FAM227B: variants seen among roughly 807,000 people sequenced by gnomAD.
The protein encoded by FAM227B is protein FAM227B.
Under a neutral mutation model 73.8 loss-of-function variants are expected in FAM227B, and 88 were observed. The observed-to-expected ratio is 1.19, with a 90% CI of 1.00 to 1.42. FAM227B has a LOEUF of 1.42. Among genes scored for constraint, FAM227B ranks in the 40% most tolerant of loss-of-function variants. The pLI is 0.00. For synonymous variants in FAM227B, 210 were observed against 190.5 expected (o/e 1.10, Z -0.84); for missense variants, 632 against 590.9 (o/e 1.07, Z -0.72).
intron 11 of FAM227B, among the ~76,000 whole-genome samples, chr15:49,481,479 T>C (rs2055939897): frequency 6.6e-6 from 1 of 152,234 alleles, no homozygotes; most frequent in Admixed American, 6.5e-5. Context: ...GAATTAAGCC[T>C]AGCATAGAAT....
At chr15:49,426,412 T>A (rs1490572985) in intron 11 of FAM227B, among the ~76,000 whole-genome samples, 1 of 151,970 alleles carries the variant, frequency 6.6e-6, no homozygotes, top group Non-Finnish European at 1.5e-5. Flanking sequence ...GAATTCTACA[T>A]GCTGACTACT....
intron 13 of FAM227B, among the ~76,000 whole-genome samples, chr15:49,367,134 A>G (rs777338192): frequency 6.6e-6 from 1 of 152,192 alleles, no homozygotes; most frequent in Non-Finnish European, 1.5e-5. Flanking sequence ...AATTCTGACA[A>G]ATGTTTGAAA....
chr15:49,392,376 T>C (rs1292455085), intron 11 of FAM227B, among the ~76,000 whole-genome samples: 1 of 152,126 alleles, frequency 6.6e-6, no homozygotes, highest in Non-Finnish European at 1.5e-5. Context: ...GGAATGTGCA[T>C]GGGGAAGGAC....
At chr15:49,597,748 G>A (rs910327493) in intron 3 of FAM227B, among the ~76,000 whole-genome samples, 1 of 151,950 alleles carries the variant, frequency 6.6e-6, no homozygotes, top group Non-Finnish European at 1.5e-5. Flanking sequence ...GAAAAGAAGA[G>A]AGAAGATCCA....
In FAM227B at chr15:49,578,719, T is replaced by G. The variant is rs548301210; in HGVS notation, c.406-1055A>C. Among the ~76,000 whole-genome samples the G allele has an allele frequency of 2.0e-5, 3 of 152,292 alleles. No homozygotes were observed. In the East Asian group the frequency reaches 5.8e-4, roughly 29 times the overall value. On this transcript the variant is annotated intron_variant, in intron 5 of 15. Transcript: ENST00000299338. ...GTACACAGGAATAAGAAAGAGAGAC[T>G]TTTTAGGAAAAATGAGATCAAATAT...
chr15:49,583,339 C>A (rs2075936680), intron 5 of FAM227B, among the ~76,000 whole-genome samples: 1 of 151,828 alleles, frequency 6.6e-6, no homozygotes. Flanking sequence ...AAAGGCCTTG[C>A]TGATAAAACA....
chr15:49,619,320 T>C (rs2078504482), intron 1 of FAM227B, among the ~76,000 whole-genome samples: 1 of 152,220 alleles, frequency 6.6e-6, no homozygotes, highest in Non-Finnish European at 1.5e-5. Context: ...AACAGGACTT[T>C]GACACATTTG....
At chr15:49,546,274 C>G (rs2071863770) in intron 9 of FAM227B, among the ~76,000 whole-genome samples, 1 of 152,164 alleles carries the variant, frequency 6.6e-6, no homozygotes, top group Non-Finnish European at 1.5e-5. Flanking sequence ...CATGTCCCTA[C>G]AAAGGACATG....
intron 11 of FAM227B, among the ~76,000 whole-genome samples, chr15:49,392,870 G>A (rs182468703): frequency 7.3e-4 from 111 of 152,248 alleles, no homozygotes; most frequent in African/African-American, 2.4e-3. Flanking sequence ...AATGGAGAAA[G>A]GTAACATGAT....
intron 11 of FAM227B, among the ~76,000 whole-genome samples, chr15:49,446,333 A>T (rs1245552598): frequency 6.6e-6 from 1 of 151,610 alleles, no homozygotes; most frequent in Non-Finnish European, 1.5e-5. Flanking sequence ...AGCACCTTCG[A>T]TGTACAGGTG....
intron 11 of FAM227B, among the ~76,000 whole-genome samples, chr15:49,447,545 G>A (rs1430363409): frequency 1.3e-5 from 2 of 151,662 alleles, no homozygotes; most frequent in East Asian, 1.9e-4. Flanking sequence ...TAGCATATGC[G>A]TTGATGTATT....
chr15:49,551,100 C>T lies in FAM227B; in HGVS notation c.748-9294G>A, dbSNP rs562526187. Among the ~76,000 whole-genome samples, 124 of 152,326 alleles carry T rather than the reference C, an allele frequency of 8.1e-4. 1 individual carries two copies. The highest frequency in any genetic ancestry group is 1.5e-3 in the Non-Finnish European group (105 of 68,028). On this transcript the variant is annotated intron_variant, in intron 9 of 15. Transcript: ENST00000299338. Reference sequence around the variant, plus strand: ...CTGGAGACCAGCCCAGCCAACACAGCGAAACCCCGTCTCCACCAAAAAAAT... The same window carrying T: ...CTGGAGACCAGCCCAGCCAACACAGTGAAACCCCGTCTCCACCAAAAAAAT...
chr15:49,558,807 C>CCTGGAAATTA (rs1181813844), intron 9 of FAM227B, among the ~76,000 whole-genome samples: 3 of 152,082 alleles, frequency 2.0e-5, no homozygotes, highest in Admixed American at 2.0e-4. Flanking sequence ...CGTACCCTAC[C>CCTGGAAATTA]CCTACCCTGT....
At chr15:49,604,271 T>C (rs1465286248) in intron 3 of FAM227B, among the ~76,000 whole-genome samples, 1 of 152,144 alleles carries the variant, frequency 6.6e-6, no homozygotes, top group Admixed American at 6.5e-5. Flanking sequence ...CAACACTTTT[T>C]CCATGTGTGC....
chr15:49,433,256 T>A (rs985952787), intron 11 of FAM227B, among the ~76,000 whole-genome samples: 6 of 151,664 alleles, frequency 4.0e-5, no homozygotes, highest in African/African-American at 1.2e-4. Flanking sequence ...ATCTGCCTTG[T>A]CTTATGATTC....
chr15:49,338,142 T>C (rs1252844022), intron 13 of FAM227B, among the ~76,000 whole-genome samples: 2 of 152,240 alleles, frequency 1.3e-5, no homozygotes, highest in Non-Finnish European at 2.9e-5. Context: ...TTAAGGTTAA[T>C]ATTGTTATGT....
At chr15:49,559,758 A>G (rs1362751120) in intron 9 of FAM227B, among the ~76,000 whole-genome samples, 1 of 152,056 alleles carries the variant, frequency 6.6e-6, no homozygotes, top group Non-Finnish European at 1.5e-5. Flanking sequence ...AACATGGTGA[A>G]ACCCCGTCTC....
intron 13 of FAM227B, chr15:49,353,853 C>G (rs948981740): frequency 6.6e-6 from 1 of 151,954 alleles, no homozygotes; most frequent in Non-Finnish European, 1.5e-5. Flanking sequence ...AGGTTCTTAC[C>G]ATATGTTAAT....
intron 11 of FAM227B, among the ~76,000 whole-genome samples, chr15:49,457,428 TATG>T (rs1262184961): frequency 6.6e-6 from 1 of 152,050 alleles, no homozygotes; most frequent in African/African-American, 2.4e-5. Flanking sequence ...TTTGGAAAAT[TATG>T]ATGCCATTAA....
Sources: gnomAD v4.1 joint callset for allele counts (sites outside exome capture counted in the v4.1 genomes callset) on GRCh38, gnomAD v4.1.1 for gene constraint, MANE v1.5 for transcripts, NCBI Gene and HGNC (gene_info 2026-07-23, HGNC 2026-07-21) for gene names.